SYT16: variants seen among roughly 807,000 people sequenced by gnomAD.
SYT16 encodes the protein synaptotagmin 16, also known as synaptotagmin-16.
A neutral mutation model predicts 61.4 loss-of-function variants in SYT16; 42 were observed. That is an observed-to-expected ratio of 0.68 (90% CI 0.53 to 0.89). SYT16 has a LOEUF of 0.89. Ranked by LOEUF, SYT16 falls within the 40% of genes least tolerant of loss-of-function variation. SYT16 has a pLI of 0.00. For synonymous variants in SYT16, 314 were observed against 302.3 expected, an observed-to-expected ratio of 1.04 and a Z score of -0.40; for missense variants, 804 against 807.3, an observed-to-expected ratio of 1.00 and a Z score of 0.05.
At chr14:62,039,206 G>A (rs1371912281) in intron 3 of SYT16, among the ~76,000 whole-genome samples, 1 of 152,200 alleles carries the variant, frequency 6.6e-6, no homozygotes, top group African/African-American at 2.4e-5. Context: ...CTTTCAGTGT[G>A]CTAACAGTGA....
At chr14:61,888,125 CTT>C (rs756842240) in intron 1 of SYT16, among the ~76,000 whole-genome samples, 27,913 of 133,524 alleles carry the variant, frequency 0.21, 2,470 homozygotes, top group Non-Finnish European at 0.26. Context: ...CTTTTCTTTT[CTT>C]TTTTTTTTTT....
chr14:61,901,025 G>A (rs1256895019), intron 1 of SYT16, among the ~76,000 whole-genome samples: 1 of 152,152 alleles, frequency 6.6e-6, no homozygotes, highest in Non-Finnish European at 1.5e-5. Flanking sequence ...TCTTGGAAGG[G>A]TTCTGTGATC....
chr14:62,091,304 A>G (rs984509259), intron 7 of SYT16, among the ~76,000 whole-genome samples: 1 of 152,208 alleles, frequency 6.6e-6, no homozygotes, highest in Non-Finnish European at 1.5e-5. Context: ...AGTTTGACAG[A>G]GTTTTTCATT....
chr14:62,010,667 T>C (rs564073652), intron 3 of SYT16, among the ~76,000 whole-genome samples: 1 of 152,270 alleles, frequency 6.6e-6, no homozygotes, highest in African/African-American at 2.4e-5. Context: ...ACAGGAGACA[T>C]TGCTGTTCAT....
chr14:61,853,482 C>T (rs2046680852), intron 1 of SYT16, among the ~76,000 whole-genome samples: 1 of 152,176 alleles, frequency 6.6e-6, no homozygotes, highest in Non-Finnish European at 1.5e-5. Flanking sequence ...GCAGAACCTT[C>T]ATAAATGGGA....
At chr14:62,019,830 A>C (rs75301775) in intron 3 of SYT16, among the ~76,000 whole-genome samples, 4,628 of 152,278 alleles carry the variant, frequency 0.03, 113 homozygotes, top group South Asian at 0.066. Flanking sequence ...GGCTCCTGTG[A>C]AGATGAGCTG....
At chr14:61,919,434 A>G (rs566222143) in intron 1 of SYT16, among the ~76,000 whole-genome samples, 1 of 152,364 alleles carries the variant, frequency 6.6e-6, no homozygotes, top group South Asian at 2.1e-4. Flanking sequence ...TCTCACTGGG[A>G]TAAATCAAGA....
chr14:62,091,989 T>C (rs887670866), intron 7 of SYT16, among the ~76,000 whole-genome samples: 1 of 152,190 alleles, frequency 6.6e-6, no homozygotes. Context: ...AGAGAACTCC[T>C]AAAACTCAAC....
chr14:62,021,049 C>G (rs771767670), intron 3 of SYT16, among the ~76,000 whole-genome samples: 16 of 152,082 alleles, frequency 1.1e-4, no homozygotes, highest in Non-Finnish European at 1.6e-4. Flanking sequence ...CTTCTTAATT[C>G]CTCTCCTAAG....
At position 61,947,499 on chromosome 14, in the gene SYT16, T is replaced by G. The variant is rs573479052; in HGVS notation, c.-324-22633T>G. ...TTAGAGCCAACAAGGACACACTACT[T>G]ATGGGATTAATTTTCTTGAGGAATC... On this transcript the variant is annotated intron_variant, in intron 1 of 7. Transcript: ENST00000683842. 2.6e-5 allele frequency among the ~76,000 whole-genome samples: 4 copies of G among 152,256 alleles called. No individual in the cohort carries two copies. The South Asian group carries it at 8.3e-4, about 32-fold the overall frequency.
chr14:61,842,781 G>C (rs973644478), intron 1 of SYT16, among the ~76,000 whole-genome samples: 9 of 151,100 alleles, frequency 6.0e-5, no homozygotes, highest in African/African-American at 1.9e-4. Context: ...GTTAGGGGGT[G>C]GGGGGAGCGG....
chr14:62,010,001 A>G (rs936327483), intron 3 of SYT16, among the ~76,000 whole-genome samples: 6 of 152,110 alleles, frequency 3.9e-5, no homozygotes, highest in African/African-American at 7.2e-5. Context: ...TTCATTTGAC[A>G]TCCAGTACCT....
At chr14:62,052,927 T>A (rs2055375317) in intron 3 of SYT16, among the ~76,000 whole-genome samples, 1 of 152,222 alleles carries the variant, frequency 6.6e-6, no homozygotes, top group Non-Finnish European at 1.5e-5. Flanking sequence ...CTGTGATACT[T>A]TTTTATAGCA....
chr14:61,856,949 A>C (rs2046794874), intron 1 of SYT16, among the ~76,000 whole-genome samples: 1 of 152,194 alleles, frequency 6.6e-6, no homozygotes, highest in Non-Finnish European at 1.5e-5. Context: ...TGCTTCAAAA[A>C]AGAGAATGAT....
intron 3 of SYT16, among the ~76,000 whole-genome samples, chr14:62,021,210 G>A (rs1340332860): frequency 6.6e-6 from 1 of 152,184 alleles, no homozygotes; most frequent in African/African-American, 2.4e-5. Context: ...GAAGGCAAGA[G>A]TAAAATCCAA....
chr14:61,889,939 A>G (rs2048059276), intron 1 of SYT16, among the ~76,000 whole-genome samples: 2 of 152,016 alleles, frequency 1.3e-5, no homozygotes, highest in Admixed American at 6.5e-5. Flanking sequence ...CTAGTCAAGC[A>G]GAGGACTCAG....
At chr14:62,049,853 A>G (rs905486621) in intron 3 of SYT16, among the ~76,000 whole-genome samples, 1 of 152,198 alleles carries the variant, frequency 6.6e-6, no homozygotes, top group Admixed American at 6.5e-5. Context: ...TGTTAGTCTG[A>G]TGGGCTTCCC....
intron 3 of SYT16, among the ~76,000 whole-genome samples, chr14:62,047,907 G>A (rs541282647): frequency 3.3e-5 from 5 of 152,290 alleles, no homozygotes; most frequent in South Asian, 2.1e-4. Flanking sequence ...TTGCATCAAC[G>A]TTCATCAAGG....
intron 6 of SYT16, among the ~76,000 whole-genome samples, chr14:62,082,088 G>T (rs1299140113): frequency 6.6e-6 from 1 of 152,176 alleles, no homozygotes; most frequent in Non-Finnish European, 1.5e-5. Flanking sequence ...TTTCTTTGAG[G>T]TGGTGATAAA....
Sources: gnomAD v4.1 joint callset for allele counts (sites outside exome capture counted in the v4.1 genomes callset) on GRCh38, gnomAD v4.1.1 for gene constraint, MANE v1.5 for transcripts, NCBI Gene and HGNC (gene_info 2026-07-23, HGNC 2026-07-21) for gene names.